ENTREP2: variants seen among roughly 807,000 people sequenced by gnomAD.
ENTREP2 encodes the protein endosomal transmembrane epsin interactor 2.
the ENTREP2 span, among the ~76,000 whole-genome samples, chr15:29,385,207 C>T: frequency 2.0e-5 from 3 of 152,190 alleles, no homozygotes; most frequent in Non-Finnish European, 2.9e-5. Flanking sequence ...AGGAATTTCA[C>T]TGGAAGTACA....
the ENTREP2 span, among the ~76,000 whole-genome samples, chr15:29,249,558 A>C: frequency 1.3e-5 from 2 of 151,994 alleles, no homozygotes; most frequent in Non-Finnish European, 2.9e-5. Flanking sequence ...TTATATATGA[A>C]ATTTTGTTTT....
chr15:29,561,301 T>C, the ENTREP2 span, among the ~76,000 whole-genome samples: 10 of 152,100 alleles, frequency 6.6e-5, no homozygotes, highest in East Asian at 1.9e-3. Flanking sequence ...ACCCCCATGT[T>C]CTAAAATGAA....
the ENTREP2 span, among the ~76,000 whole-genome samples, chr15:29,275,247 T>C: frequency 4.6e-5 from 7 of 152,202 alleles, no homozygotes; most frequent in African/African-American, 1.4e-4. Context: ...TCAAAAGGGC[T>C]GGAAAGAAAT....
chr15:29,242,289 G>A, the ENTREP2 span, among the ~76,000 whole-genome samples: 1 of 152,022 alleles, frequency 6.6e-6, no homozygotes, highest in East Asian at 1.9e-4. Context: ...GGCTGGTCTC[G>A]AACTCTTGAC....
chr15:29,144,983 G>C, the ENTREP2 span, among the ~76,000 whole-genome samples: 2 of 152,188 alleles, frequency 1.3e-5, no homozygotes, highest in Non-Finnish European at 2.9e-5. Flanking sequence ...TTGAACGTGG[G>C]AGGTGGAGGA....
the ENTREP2 span, among the ~76,000 whole-genome samples, chr15:29,165,210 C>T: frequency 1.3e-5 from 2 of 152,042 alleles, no homozygotes; most frequent in South Asian, 4.2e-4. Flanking sequence ...TAAACGCCTA[C>T]ATCAAAAAGA....
At chr15:29,410,842 G>C in the ENTREP2 span, among the ~76,000 whole-genome samples, 2 of 152,200 alleles carry the variant, frequency 1.3e-5, no homozygotes, top group African/African-American at 4.8e-5. Context: ...CTGGAGTGCA[G>C]TGGCACAATC....
At chr15:29,269,646 G>T in the ENTREP2 span, 1 of 1,574,454 alleles carries the variant, frequency 6.4e-7, no homozygotes, top group Non-Finnish European at 8.6e-7. Context: ...TATGGCTCCA[G>T]TCTCTGTCCC....
chr15:29,429,215 A>C, the ENTREP2 span, among the ~76,000 whole-genome samples: 2 of 151,806 alleles, frequency 1.3e-5, no homozygotes, highest in Admixed American at 6.6e-5. Context: ...CCATCCATCC[A>C]TCCATCCATC....
chr15:29,391,573 C>A, the ENTREP2 span, among the ~76,000 whole-genome samples: 15 of 152,224 alleles, frequency 9.9e-5, no homozygotes, highest in East Asian at 2.7e-3. Flanking sequence ...TGTTCTGATG[C>A]AATGCATGCT....
At chr15:29,623,586 A>G in the ENTREP2 span, among the ~76,000 whole-genome samples, 1 of 152,192 alleles carries the variant, frequency 6.6e-6, no homozygotes, top group Non-Finnish European at 1.5e-5. Flanking sequence ...TGTCAACGCC[A>G]TCAGAACAAT....
the ENTREP2 span, among the ~76,000 whole-genome samples, chr15:29,401,999 G>A: frequency 1.6e-3 from 245 of 152,174 alleles, no homozygotes; most frequent in Non-Finnish European, 1.8e-3. Context: ...TTAAGGAGGA[G>A]GCGAGGGGGA....
the ENTREP2 span, among the ~76,000 whole-genome samples, chr15:29,444,708 G>T: frequency 6.6e-6 from 1 of 151,938 alleles, no homozygotes; most frequent in African/African-American, 2.4e-5. Context: ...CTTGTGATCC[G>T]CCCACCTCGG....
At chr15:29,661,421 G>A in the ENTREP2 span, among the ~76,000 whole-genome samples, 7 of 152,002 alleles carry the variant, frequency 4.6e-5, no homozygotes, top group Non-Finnish European at 8.8e-5. Flanking sequence ...GGCTGGTCAC[G>A]AACTCCTGAC....
chr15:29,259,010 T>C, the ENTREP2 span, among the ~76,000 whole-genome samples: 32 of 152,236 alleles, frequency 2.1e-4, no homozygotes, highest in African/African-American at 7.5e-4. Flanking sequence ...GGCAAGAACT[T>C]TGAATCAACT....
chr15:29,389,481 C>A, the ENTREP2 span, among the ~76,000 whole-genome samples: 2 of 152,058 alleles, frequency 1.3e-5, no homozygotes, highest in African/African-American at 4.8e-5. Context: ...GCGCTTGGAA[C>A]TGACTGTGCA....
chr15:29,263,715 C>T, the ENTREP2 span, among the ~76,000 whole-genome samples: 1 of 151,882 alleles, frequency 6.6e-6, no homozygotes, highest in African/African-American at 2.4e-5. Context: ...TATCCTATAA[C>T]TTCATCACCT....
At chr15:29,528,649 C>T in the ENTREP2 span, among the ~76,000 whole-genome samples, 6 of 152,154 alleles carry the variant, frequency 3.9e-5, no homozygotes, top group Non-Finnish European at 8.8e-5. Context: ...GATAGCAAAT[C>T]AAGTCCAAAG....
At chr15:29,247,523 G>T in the ENTREP2 span, among the ~76,000 whole-genome samples, 1 of 152,118 alleles carries the variant, frequency 6.6e-6, no homozygotes, top group Admixed American at 6.5e-5. Flanking sequence ...TATTGCTCTG[G>T]AATATGAATA....
Sources: allele counts gnomAD v4.1 joint callset (sites outside exome capture counted in the v4.1 genomes callset), GRCh38; gene constraint gnomAD v4.1.1; transcripts MANE v1.5; gene names NCBI Gene and HGNC (gene_info 2026-07-23, HGNC 2026-07-21).